The following CCDC30 variants were observed in gnomAD, a reference collection of about 807,000 sequenced individuals.
CCDC30 encodes coiled-coil domain-containing protein 30.
A neutral mutation model predicts 100.2 loss-of-function variants in CCDC30; 70 were observed. The ratio of observed to expected loss-of-function variants is 0.70; its 90% confidence interval spans 0.58 to 0.85. CCDC30 has a LOEUF of 0.85. Ranked by LOEUF, CCDC30 falls within the 40% of genes least tolerant of loss-of-function variation. CCDC30 has a pLI of 0.00. For synonymous variants in CCDC30, 233 were observed against 269.5 expected, an observed-to-expected ratio of 0.86 and a Z score of 1.33; for missense variants, 652 against 771.2, an observed-to-expected ratio of 0.85 and a Z score of 1.83.
chr1:42,565,786 G>A (rs888964104), intron 6 of CCDC30, among the ~76,000 whole-genome samples: 2 of 152,212 alleles, frequency 1.3e-5, no homozygotes, highest in South Asian at 4.1e-4. Context: ...ATCCTTGAAA[G>A]AATGTGTTTT....
chr1:42,504,178 T>A (rs1171544840), intron 6 of CCDC30, among the ~76,000 whole-genome samples: 2 of 152,260 alleles, frequency 1.3e-5, no homozygotes, highest in Non-Finnish European at 2.9e-5. Context: ...CTATTGTTTG[T>A]GGCTTAAGAA....
chr1:42,565,835 AAAAG>A (rs756756536), intron 6 of CCDC30, among the ~76,000 whole-genome samples: 3 of 152,278 alleles, frequency 2.0e-5, no homozygotes, highest in Admixed American at 6.5e-5. Flanking sequence ...ATCGGGAAAT[AAAAG>A]AAAGTGATGA....
chr1:42,626,024 T>A (rs1458505736), intron 11 of CCDC30, among the ~76,000 whole-genome samples: 1 of 152,250 alleles, frequency 6.6e-6, no homozygotes. Flanking sequence ...TTTATATATC[T>A]GGGTGCTCCA....
chr1:42,590,183 G>A (rs577859671), intron 10 of CCDC30: 6 of 152,348 alleles, frequency 3.9e-5, no homozygotes, highest in Admixed American at 1.3e-4. Context: ...CACCATGATT[G>A]TTAGCTTCCT....
At chr1:42,628,721 C>G (rs1646977970) in intron 11 of CCDC30, among the ~76,000 whole-genome samples, 1 of 152,162 alleles carries the variant, frequency 6.6e-6, no homozygotes, top group African/African-American at 2.4e-5. Flanking sequence ...AAGTGCTTTT[C>G]ACCTCCCACC....
chr1:42,510,040 T>C, intron 6 of CCDC30: 2 of 984,332 alleles, frequency 2.0e-6, no homozygotes, highest in Non-Finnish European at 2.4e-6. Context: ...AAAAATACCA[T>C]AGAAAAGTCT....
At chr1:42,456,459 T>C in the CCDC30 span, 1 of 1,188,648 alleles carries the variant, frequency 8.4e-7, no homozygotes, top group Non-Finnish European at 1.1e-6. Flanking sequence ...AAAAGAAGGG[T>C]AGTGAACCGC....
intron 6 of CCDC30, among the ~76,000 whole-genome samples, chr1:42,517,666 ACTTT>A (rs1311384810): frequency 2.0e-5 from 3 of 152,202 alleles, no homozygotes; most frequent in Non-Finnish European, 4.4e-5. Flanking sequence ...TTACTAGAAA[ACTTT>A]CTTTCCTCCA....
chr1:42,611,301 G>A (rs905753093), intron 11 of CCDC30, among the ~76,000 whole-genome samples: 1 of 152,030 alleles, frequency 6.6e-6, no homozygotes, highest in African/African-American at 2.4e-5. Flanking sequence ...GAAGGAGAAG[G>A]GAATTACCAT....
chr1:42,599,035 A>G (rs527251449), intron 10 of CCDC30, among the ~76,000 whole-genome samples: 3 of 152,360 alleles, frequency 2.0e-5, no homozygotes, highest in South Asian at 4.1e-4. Flanking sequence ...ATCAGAAACC[A>G]GGATCTACAT....
intron 6 of CCDC30, among the ~76,000 whole-genome samples, chr1:42,516,539 T>C (rs1358311408): frequency 7.1e-6 from 1 of 140,068 alleles, no homozygotes; most frequent in Non-Finnish European, 1.5e-5. Context: ...TGCACTGCAC[T>C]GCAGCCTGGA....
intron 7 of CCDC30, among the ~76,000 whole-genome samples, chr1:42,572,877 C>G (rs1645761379): frequency 6.6e-6 from 1 of 152,190 alleles, no homozygotes; most frequent in Non-Finnish European, 1.5e-5. Context: ...CCTCAGCCTC[C>G]CAAAGTGTGG....
At chr1:42,456,878 C>T in the CCDC30 span, 1 of 1,613,230 alleles carries the variant, frequency 6.2e-7, no homozygotes, top group Non-Finnish European at 8.5e-7. Context: ...GCTGTCCGCT[C>T]TGCGGCCTTC....
At chr1:42,488,343 G>A (rs1420281488) in intron 3 of CCDC30, among the ~76,000 whole-genome samples, 4 of 151,908 alleles carry the variant, frequency 2.6e-5, no homozygotes, top group African/African-American at 4.8e-5. Context: ...TTAGAGACAG[G>A]GTTTCACTCT....
chr1:42,556,542 A>G (rs1194654998), intron 6 of CCDC30, 137 bp downstream of exon 10: 2 of 917,036 alleles, frequency 2.2e-6, no homozygotes, highest in Non-Finnish European at 3.1e-6. Context: ...GTGTGTATTT[A>G]TGGAGTACAT....
At chr1:42,604,955 T>C (rs1230798008) in intron 10 of CCDC30, among the ~76,000 whole-genome samples, 1 of 152,226 alleles carries the variant, frequency 6.6e-6, no homozygotes, top group Non-Finnish European at 1.5e-5. Context: ...TACTTACTTC[T>C]TTGTTTGAAA....
At chr1:42,617,056 T>C (rs1381226701) in intron 11 of CCDC30, among the ~76,000 whole-genome samples, 1 of 152,186 alleles carries the variant, frequency 6.6e-6, no homozygotes, top group Admixed American at 6.5e-5. Flanking sequence ...AAGATGCTTA[T>C]AAAAGGAATT....
At chr1:42,551,511 T>C (rs1016897883) in intron 6 of CCDC30, among the ~76,000 whole-genome samples, 1 of 152,080 alleles carries the variant, frequency 6.6e-6, no homozygotes, top group Non-Finnish European at 1.5e-5. Context: ...TTTCCGGTTT[T>C]TAAGATGCAG....
chr1:42,508,470 A>G (rs141238010), intron 6 of CCDC30, among the ~76,000 whole-genome samples: 175 of 152,308 alleles, frequency 1.1e-3, no homozygotes, highest in African/African-American at 4.0e-3. Flanking sequence ...CATAACTTCT[A>G]TTAGCCATCC....
Sources: gnomAD v4.1 joint callset for allele counts (sites outside exome capture counted in the v4.1 genomes callset) on GRCh38, gnomAD v4.1.1 for gene constraint, MANE v1.5 for transcripts, NCBI Gene and HGNC (gene_info 2026-07-23, HGNC 2026-07-21) for gene names.